The following ANK1 variants were observed in gnomAD, a reference collection of about 807,000 sequenced individuals.
ANK1 encodes the protein ankyrin-1.
ANK1 carries 51 observed loss-of-function variants against 210.4 expected under a neutral mutation model. The ratio of observed to expected loss-of-function variants is 0.24; its 90% CI spans 0.19 to 0.31. ANK1 has a LOEUF of 0.31. Among genes scored for constraint, ANK1 ranks in the 10% least tolerant of loss-of-function variants. ANK1 has a pLI of 1.00. For synonymous variants in ANK1, 967 were observed against 1,025.9 expected, an observed-to-expected ratio of 0.94 and a Z score of 1.10; for missense variants, 2,051 against 2,504.4, an observed-to-expected ratio of 0.82 and a Z score of 3.86.
rs901728518 is a variant in ANK1 at position 41,876,909 on chromosome 8, C to T, written c.126+19446G>A. Among the ~76,000 whole-genome samples, 3 of 152,062 alleles carry T rather than the reference C, an allele frequency of 2.0e-5. No individual in the cohort carries two copies. The East Asian group carries it at 5.8e-4, about 29-fold the overall frequency. Reference sequence around the variant, plus strand: ...TAAAGGCCATTTGATCAATGTAAAGCCAAAAGGGATTTCATGGAAAAACTC... The same window carrying T: ...TAAAGGCCATTTGATCAATGTAAAGTCAAAAGGGATTTCATGGAAAAACTC... On this transcript the variant is annotated intron_variant, in intron 1 of 42. Coordinates refer to the ANK1 transcript ENST00000265709.
chr8:41,792,495 A>G (rs1847945781), intron 1 of ANK1, among the ~76,000 whole-genome samples: 1 of 152,232 alleles, frequency 6.6e-6, no homozygotes, highest in African/African-American at 2.4e-5. Flanking sequence ...TGGGTTTCCA[A>G]TTAATTCACT....
rs143954404 is a variant in ANK1, at chr8:41,772,202, T to G, written c.28-14065A>C. On this transcript the variant is annotated intron_variant, in intron 1 of 42. Transcript: ENST00000289734. ...AGAACTCAATAGCAACAACACTATTTGCTTTCTGGACAGCCTCTTAAGAGG... is the reference window on the plus strand; with the variant it reads ...AGAACTCAATAGCAACAACACTATTGGCTTTCTGGACAGCCTCTTAAGAGG... Among the ~76,000 whole-genome samples the G allele has an allele frequency of 3.7e-4, 56 of 152,358 alleles. 2 individuals are homozygous for G. The highest frequency in any genetic ancestry group is 9.9e-4 in the African/African-American group (41 of 41,580).
chr8:41,727,841 G>A (rs1409106534), intron 4 of ANK1, 67 bp downstream of exon 4: 1 of 1,489,478 alleles, frequency 6.7e-7, no homozygotes, highest in African/African-American at 1.4e-5. Context: ...GGACCCACGA[G>A]GGAGCAGCAA....
intron 1 of ANK1, among the ~76,000 whole-genome samples, chr8:41,851,058 C>T (rs1811143045): frequency 2.6e-5 from 4 of 152,340 alleles, no homozygotes; most frequent in Admixed American, 2.6e-4. Context: ...TGTGTCTTTT[C>T]AATCAAAACT....
Position 41,717,610 on chromosome 8 carries a change from G to A in ANK1, c.1299C>T (p.Ser433=), listed in dbSNP as rs530855485. 16 of 1,551,448 alleles carry A rather than the reference G, an allele frequency of 1.0e-5. No individual in the cohort carries two copies. The African/African-American group carries it at 2.0e-4, about 20-fold the overall frequency. ...TGCCTGCCTGAGGGCTTACCACGTT[G>A]GAGACGTTGGGCGACGCCCCCCGCT... ...LLQRGASPNV[S]NVKVETPLHM... Residue 433 remains serine, a synonymous_variant, in exon 12 of 43, where the codon TCC becomes TCT. Coordinates refer to ENST00000289734, the MANE Select transcript of ANK1 (RefSeq NM_000037.4).
intron 1 of ANK1, among the ~76,000 whole-genome samples, chr8:41,872,009 G>A (rs900626139): frequency 1.3e-5 from 2 of 152,214 alleles, no homozygotes; most frequent in African/African-American, 4.8e-5. Context: ...AGCAGCCCTG[G>A]ATGAGTTTAT....
intron 42 of ANK1, among the ~76,000 whole-genome samples, chr8:41,657,006 C>T (rs1462946632): frequency 6.6e-6 from 1 of 152,164 alleles, no homozygotes; most frequent in Non-Finnish European, 1.5e-5. Context: ...TCTGAACACG[C>T]TCTACCCTCC....
intron 1 of ANK1, among the ~76,000 whole-genome samples, chr8:41,772,539 C>T (rs1421408994): frequency 1.3e-5 from 2 of 152,210 alleles, no homozygotes; most frequent in Non-Finnish European, 1.5e-5. Context: ...ATCAAGGCCT[C>T]ATCACTGCTT....
chr8:41,841,963 G>A (rs1477851451), intron 1 of ANK1, among the ~76,000 whole-genome samples: 3 of 152,232 alleles, frequency 2.0e-5, no homozygotes, highest in Non-Finnish European at 4.4e-5. Context: ...TGTTGCTGGA[G>A]TGACAGTGGC....
chr8:41,829,329 G>T (rs547635240), intron 1 of ANK1: 1 of 152,240 alleles, frequency 6.6e-6, no homozygotes, highest in Admixed American at 6.5e-5. Flanking sequence ...GAGGAACAGC[G>T]TCTTCGCCAC....
At chr8:41,756,859 G>A (rs7831252) in intron 2 of ANK1, among the ~76,000 whole-genome samples, 7,239 of 152,276 alleles carry the variant, frequency 0.048, 493 homozygotes, top group African/African-American at 0.15. Flanking sequence ...TGGCCCTGCT[G>A]GCTTGGAAAA....
At chr8:41,671,450 C>T (rs542350779) in intron 38 of ANK1, among the ~76,000 whole-genome samples, 1 of 152,286 alleles carries the variant, frequency 6.6e-6, no homozygotes, top group East Asian at 1.9e-4. Context: ...CAGCAGCTGA[C>T]CCACGGTCTT....
At chr8:41,743,735 G>A (rs962685197) in intron 2 of ANK1, among the ~76,000 whole-genome samples, 1 of 152,206 alleles carries the variant, frequency 6.6e-6, no homozygotes, top group African/African-American at 2.4e-5. Context: ...ACAAACATGG[G>A]GAGAGGAAAG....
chr8:41,705,351 G>A lies in ANK1; in HGVS notation c.2097+792C>T, dbSNP rs570997837. ...GACCCCAAAAGACTAAACGGGGCCC[G>A]CAAGTGAAGCCTCAAAGATCCAGAA... On this transcript the variant is annotated intron_variant, in intron 18 of 42. Coordinates refer to ENST00000289734, the MANE Select transcript of ANK1 (RefSeq NM_000037.4). Among the ~76,000 whole-genome samples the A allele has an allele frequency of 9.2e-5, 14 of 152,314 alleles. No homozygotes were observed. In the South Asian group the frequency reaches 1.9e-3, roughly 20 times the overall value.
In ANK1 at chr8:41,745,193, G is replaced by T. The variant is rs569173491; in HGVS notation, c.130-11124C>A. Among the ~76,000 whole-genome samples the T allele has an allele frequency of 5.9e-5, 9 of 152,230 alleles. No individual in the cohort carries two copies. The South Asian group carries it at 1.9e-3, about 32-fold the overall frequency. Reference sequence around the variant, plus strand: ...GGGCGGGGAGATGTGAAGGAAGGAGGCACAGAGAGAGGGAGAAATTGTCAG... The same window carrying T: ...GGGCGGGGAGATGTGAAGGAAGGAGTCACAGAGAGAGGGAGAAATTGTCAG... On this transcript the variant is annotated intron_variant, in intron 2 of 42. Coordinates refer to ENST00000289734, the MANE Select transcript of ANK1 (RefSeq NM_000037.4).
intron 38 of ANK1, among the ~76,000 whole-genome samples, chr8:41,672,101 T>C (rs964059293): frequency 6.6e-6 from 1 of 152,246 alleles, no homozygotes; most frequent in Non-Finnish European, 1.5e-5. Flanking sequence ...TGTCCCTATG[T>C]GTGCTCTCCC....
At chr8:41,740,248 C>G (rs1048385208) in intron 2 of ANK1, among the ~76,000 whole-genome samples, 1 of 151,650 alleles carries the variant, frequency 6.6e-6, no homozygotes, top group African/African-American at 2.4e-5. Context: ...GCAACCTCCA[C>G]CTCCCAAGTT....
chr8:41,881,531 T>A (rs1472112465), intron 1 of ANK1, among the ~76,000 whole-genome samples: 4 of 152,254 alleles, frequency 2.6e-5, no homozygotes, highest in Non-Finnish European at 4.4e-5. Context: ...TATTTTATCT[T>A]ACTGTCAAGG....
At chr8:41,889,123 A>G (rs1339600434) in intron 1 of ANK1, among the ~76,000 whole-genome samples, 3 of 152,222 alleles carry the variant, frequency 2.0e-5, no homozygotes, top group Non-Finnish European at 4.4e-5. Flanking sequence ...TACTGGCATG[A>G]GTCACTGTGC....
Sources: allele counts gnomAD v4.1 joint callset (sites outside exome capture counted in the v4.1 genomes callset), GRCh38; gene constraint gnomAD v4.1.1; transcripts MANE v1.5; gene names NCBI Gene and HGNC (gene_info 2026-07-23, HGNC 2026-07-21).